Variants in CHN2 observed in about 807,000 individuals in gnomAD.
CHN2 encodes beta-chimaerin.
CHN2 carries 35 observed loss-of-function variants against 56.3 expected under a neutral mutation model. That is an observed-to-expected ratio of 0.62 (90% CI 0.47 to 0.82). CHN2 has a LOEUF of 0.82. Ranked by LOEUF, CHN2 falls within the 40% of genes least tolerant of loss-of-function variation. CHN2 has a pLI of 0.00. For missense variants in CHN2, 491 were observed against 580.5 expected, an observed-to-expected ratio of 0.85 and a Z score of 1.58; for synonymous variants, 210 against 212.8, an observed-to-expected ratio of 0.99 and a Z score of 0.12.
chr7:29,431,566 T>TGGTC (rs1395522136), intron 6 of CHN2, among the ~76,000 whole-genome samples: 3 of 152,214 alleles, frequency 2.0e-5, no homozygotes, highest in Admixed American at 6.5e-5. Flanking sequence ...GAAGGTTGGT[T>TGGTC]GGTCCACTAG....
chr7:29,151,111 G>A (rs926167068), intron 2 of CHN2, among the ~76,000 whole-genome samples: 5 of 152,160 alleles, frequency 3.3e-5, no homozygotes, highest in Admixed American at 1.3e-4. Context: ...TTATTGAAGT[G>A]CTTCAGTCTC....
chr7:29,330,107 A>AT (rs2128902882), intron 1 of CHN2, among the ~76,000 whole-genome samples: 1 of 152,318 alleles, frequency 6.6e-6, no homozygotes, highest in South Asian at 2.1e-4. Context: ...TTGTAATAGG[A>AT]TTTTATGTAT....
intron 6 of CHN2, among the ~76,000 whole-genome samples, chr7:29,456,480 T>A (rs1049626937): frequency 1.5e-4 from 23 of 152,130 alleles, no homozygotes; most frequent in Admixed American, 8.5e-4. Context: ...AAAGTGAAGT[T>A]CCCCTGTGCC....
At chr7:29,180,888 C>G (rs2128742416) in intron 2 of CHN2, among the ~76,000 whole-genome samples, 1 of 152,278 alleles carries the variant, frequency 6.6e-6, no homozygotes. Context: ...TGACTGCTTG[C>G]AGTGTAATTG....
At chr7:29,490,410 AC>A (rs1788534959) in intron 7 of CHN2, among the ~76,000 whole-genome samples, 1 of 152,128 alleles carries the variant, frequency 6.6e-6, no homozygotes, top group African/African-American at 2.4e-5. Context: ...GTATCACCTG[AC>A]ACATAATTGC....
At chr7:29,344,492 A>T (rs1210233060) in intron 1 of CHN2, among the ~76,000 whole-genome samples, 3 of 152,114 alleles carry the variant, frequency 2.0e-5, no homozygotes, top group Non-Finnish European at 4.4e-5. Context: ...AGCCTGTTTC[A>T]GCCAGCAAGC....
At chr7:29,179,490 G>A (rs184793425) in intron 2 of CHN2, among the ~76,000 whole-genome samples, 1 of 152,314 alleles carries the variant, frequency 6.6e-6, no homozygotes, top group African/African-American at 2.4e-5. Context: ...CAGGAACCCA[G>A]ACTCAACACA....
chr7:29,398,559 T>C (rs559012244), intron 5 of CHN2, 73 bp downstream of exon 5: 3 of 948,280 alleles, frequency 3.2e-6, no homozygotes, highest in East Asian at 2.4e-5. Context: ...TTTTTAAGAA[T>C]TGTAGCAGAG....
At chr7:29,155,885 TC>T (rs758660602) in intron 2 of CHN2, among the ~76,000 whole-genome samples, 6 of 152,114 alleles carry the variant, frequency 3.9e-5, no homozygotes, top group Non-Finnish European at 5.9e-5. Flanking sequence ...CATCGGAGCG[TC>T]CTGTCAGGGT....
chr7:29,300,102 TC>T (rs1793535172), intron 1 of CHN2, among the ~76,000 whole-genome samples: 1 of 152,180 alleles, frequency 6.6e-6, no homozygotes, highest in African/African-American at 2.4e-5. Flanking sequence ...CCTCTTCTGT[TC>T]CGGGGTGGAA....
At chr7:29,364,339 C>G (rs1186657886) in intron 2 of CHN2, among the ~76,000 whole-genome samples, 1 of 152,180 alleles carries the variant, frequency 6.6e-6, no homozygotes, top group Non-Finnish European at 1.5e-5. Context: ...GAGCACTTAG[C>G]TAAAAATGCT....
intron 6 of CHN2, among the ~76,000 whole-genome samples, chr7:29,442,887 A>G (rs1585408438): frequency 7.0e-6 from 1 of 143,644 alleles, no homozygotes; most frequent in South Asian, 2.2e-4. Context: ...TTCCATTTCT[A>G]TGATTTTCTC....
intron 7 of CHN2, among the ~76,000 whole-genome samples, chr7:29,494,950 T>TAGAAAAAAA (rs1789088778): frequency 1.5e-5 from 1 of 64,652 alleles, no homozygotes; most frequent in Admixed American, 2.4e-4. Context: ...AAGCAGTTTG[T>TAGAAAAAAA]AAAAAAAAAA....
chr7:29,147,498 G>C (rs1383928078), intron 2 of CHN2, among the ~76,000 whole-genome samples: 1 of 152,198 alleles, frequency 6.6e-6, no homozygotes, highest in Non-Finnish European at 1.5e-5. Flanking sequence ...TTACGAGCTG[G>C]AACAAACTAA....
upstream of CHN2, among the ~76,000 whole-genome samples, chr7:29,190,849 T>G (rs982994715): frequency 6.6e-6 from 1 of 152,080 alleles, no homozygotes; most frequent in African/African-American, 2.4e-5. Flanking sequence ...AGTAAACAAT[T>G]GAACAACATC....
At chr7:29,370,838 T>A (rs1050621503) in intron 3 of CHN2, among the ~76,000 whole-genome samples, 2 of 152,018 alleles carry the variant, frequency 1.3e-5, no homozygotes, top group African/African-American at 4.8e-5. Context: ...GCTGGGTGAG[T>A]CAAGGGTACA....
At chr7:29,478,307 G>A (rs1396140651) in intron 6 of CHN2, among the ~76,000 whole-genome samples, 1 of 151,870 alleles carries the variant, frequency 6.6e-6, no homozygotes, top group Non-Finnish European at 1.5e-5. Context: ...GAAATAGGAT[G>A]AGCTGGGTAC....
intron 1 of CHN2, among the ~76,000 whole-genome samples, chr7:29,279,009 C>A (rs1429759428): frequency 6.6e-6 from 1 of 152,144 alleles, no homozygotes; most frequent in East Asian, 1.9e-4. Context: ...CCCCCCAACC[C>A]CCACCTTCAC....
At chr7:29,275,362 G>A (rs1257836661) in intron 1 of CHN2, among the ~76,000 whole-genome samples, 2 of 152,170 alleles carry the variant, frequency 1.3e-5, no homozygotes, top group Non-Finnish European at 2.9e-5. Context: ...AAGTCTTGGA[G>A]AAAATGTCAA....
Sources: gnomAD v4.1 joint callset for allele counts (sites outside exome capture counted in the v4.1 genomes callset) on GRCh38, gnomAD v4.1.1 for gene constraint, MANE v1.5 for transcripts, NCBI Gene and HGNC (gene_info 2026-07-23, HGNC 2026-07-21) for gene names.